The following GNAO1 variants were observed in gnomAD, a reference collection of about 807,000 sequenced individuals.
GNAO1 encodes G protein subunit alpha o1.
For synonymous variants in GNAO1, 164 were observed against 180.7 expected (o/e 0.91, Z 0.74); for missense variants, 166 against 478.7 (o/e 0.35, Z 6.10).
intron 2 of GNAO1, among the ~76,000 whole-genome samples, chr16:56,206,693 A>C (rs565814174): frequency 1.3e-5 from 2 of 152,356 alleles, no homozygotes; most frequent in East Asian, 3.8e-4. Flanking sequence ...ATTATACTTC[A>C]ATAAACCTGA....
chr16:56,193,290 G>GT (rs1183787648), intron 2 of GNAO1: 1 of 153,106 alleles, frequency 6.5e-6, no homozygotes, highest in African/African-American at 2.4e-5. Flanking sequence ...GACGGGCACA[G>GT]TTTTATCCAA....
chr16:56,312,041 C>G (rs1478905562), intron 3 of GNAO1, among the ~76,000 whole-genome samples: 1 of 152,198 alleles, frequency 6.6e-6, no homozygotes, highest in Non-Finnish European at 1.5e-5. Context: ...CTTCCCTGAC[C>G]CTGCCCTCGG....
At chr16:56,211,684 G>GGGC (rs2036390191) in intron 2 of GNAO1, among the ~76,000 whole-genome samples, 1 of 152,210 alleles carries the variant, frequency 6.6e-6, no homozygotes, top group Non-Finnish European at 1.5e-5. Flanking sequence ...GTCGCGACTT[G>GGGC]AAAATGCGGT....
At chr16:56,316,540 C>T (rs2037511465) in intron 3 of GNAO1, among the ~76,000 whole-genome samples, 1 of 152,216 alleles carries the variant, frequency 6.6e-6, no homozygotes. Context: ...CCAGGACCCA[C>T]TCTTGCCCGT....
intron 2 of GNAO1, among the ~76,000 whole-genome samples, chr16:56,259,307 A>G (rs1269856919): frequency 2.0e-5 from 3 of 152,236 alleles, no homozygotes; most frequent in South Asian, 4.1e-4. Context: ...CAGGCCTTGC[A>G]CTCAGGAGGT....
chr16:56,314,060 A>G (rs1422152729), intron 3 of GNAO1, among the ~76,000 whole-genome samples: 1 of 152,216 alleles, frequency 6.6e-6, no homozygotes, highest in African/African-American at 2.4e-5. Flanking sequence ...GTCATTTGGA[A>G]AATATTGGTT....
chr16:56,233,171 G>A (rs1333222617), intron 2 of GNAO1, among the ~76,000 whole-genome samples: 1 of 152,174 alleles, frequency 6.6e-6, no homozygotes, highest in African/African-American at 2.4e-5. Flanking sequence ...GATTATATGA[G>A]ATCTGTGTTT....
At chr16:56,200,353 T>C (rs1363762082) in intron 2 of GNAO1, among the ~76,000 whole-genome samples, 1 of 152,176 alleles carries the variant, frequency 6.6e-6, no homozygotes, top group Admixed American at 6.5e-5. Flanking sequence ...GAATACGAGG[T>C]ATATAAGGAA....
At chr16:56,257,976 A>C (rs1046840612) in intron 2 of GNAO1, among the ~76,000 whole-genome samples, 1 of 152,220 alleles carries the variant, frequency 6.6e-6, no homozygotes, top group African/African-American at 2.4e-5. Flanking sequence ...ACCAGAAATC[A>C]GTGTCCTTTT....
intron 3 of GNAO1, among the ~76,000 whole-genome samples, chr16:56,290,082 C>A (rs1264307691): frequency 6.6e-6 from 1 of 152,204 alleles, no homozygotes; most frequent in East Asian, 1.9e-4. Context: ...CTTTAAATGC[C>A]ACGACCTCCT....
intron 3 of GNAO1, among the ~76,000 whole-genome samples, chr16:56,305,517 G>A (rs1008469804): frequency 4.6e-5 from 7 of 152,132 alleles, no homozygotes; most frequent in African/African-American, 9.7e-5. Context: ...CAGTGCAGAG[G>A]CCCCTAGTGG....
chr16:56,247,488 T>G (rs1346906993), intron 2 of GNAO1, among the ~76,000 whole-genome samples: 1 of 150,682 alleles, frequency 6.6e-6, no homozygotes. Context: ...TGAGGTTTTT[T>G]TTTTTTTTTT....
rs940154630 is a variant in GNAO1 at position 56,344,622 on chromosome 16, C to T, written c.724-6762C>T. Reference sequence around the variant, plus strand: ...AATGCTTCTTGAGACTGATTTATGGCTCAGATAGATGGTGGCGTGGAGCGG... The same window carrying T: ...AATGCTTCTTGAGACTGATTTATGGTTCAGATAGATGGTGGCGTGGAGCGG... On this transcript the variant is annotated intron_variant, in intron 6 of 8. Transcript: ENST00000262493. 2.5e-5 allele frequency: 25 copies of T among 985,756 alleles called. No individual in the cohort carries two copies. In the East Asian group the frequency reaches 2.0e-3, roughly 81 times the overall value. 61.1% of individuals were successfully genotyped at this position (985,756 alleles called of 1,614,324 possible). A position where few individuals can be genotyped will look rare whatever the true frequency, so the allele number is the denominator to read the frequency against.
intron 3 of GNAO1, among the ~76,000 whole-genome samples, chr16:56,285,251 G>T (rs757708749): frequency 1.4e-5 from 2 of 145,062 alleles, no homozygotes; most frequent in Admixed American, 1.4e-4. Flanking sequence ...CTCCAACCCC[G>T]CCCCCCACCG....
intron 3 of GNAO1, among the ~76,000 whole-genome samples, chr16:56,300,036 T>TGTGTGC (rs753591618): frequency 1.5e-4 from 14 of 95,112 alleles, no homozygotes; most frequent in Admixed American, 1.1e-3. Flanking sequence ...TGTGTGTGTG[T>TGTGTGC]GCGCGCGCGC....
At chr16:56,199,979 G>A (rs969066483) in intron 2 of GNAO1, among the ~76,000 whole-genome samples, 2 of 152,202 alleles carry the variant, frequency 1.3e-5, no homozygotes, top group South Asian at 2.1e-4. Flanking sequence ...ATGGAGAAAA[G>A]AGAAAGGGAG....
chr16:56,199,746 G>A (rs1370612844), intron 2 of GNAO1, among the ~76,000 whole-genome samples: 5 of 152,174 alleles, frequency 3.3e-5, no homozygotes. Flanking sequence ...AAACTTAGAA[G>A]CCTGAAAGGC....
At chr16:56,240,008 G>C (rs1207454367) in intron 2 of GNAO1, among the ~76,000 whole-genome samples, 11 of 152,202 alleles carry the variant, frequency 7.2e-5, no homozygotes, top group African/African-American at 2.4e-4. Flanking sequence ...AGAACAACTT[G>C]CAGTTGTTTT....
intron 3 of GNAO1, among the ~76,000 whole-genome samples, chr16:56,319,474 C>T (rs775165619): frequency 3.3e-5 from 5 of 152,112 alleles, no homozygotes; most frequent in Non-Finnish European, 5.9e-5. Flanking sequence ...TGGGAGCCTA[C>T]GCCCCTCCTT....
Sources: gnomAD v4.1 joint callset for allele counts (sites outside exome capture counted in the v4.1 genomes callset) on GRCh38, gnomAD v4.1.1 for gene constraint, MANE v1.5 for transcripts, NCBI Gene and HGNC (gene_info 2026-07-23, HGNC 2026-07-21) for gene names.